The following EPHB1 variants were observed in gnomAD, a reference collection of about 807,000 sequenced individuals.
The protein encoded by EPHB1 is EPH receptor B1.
Under a neutral mutation model 94.4 loss-of-function variants are expected in EPHB1, and 30 were observed. The observed-to-expected ratio is 0.32, with a 90% CI of 0.24 to 0.43. EPHB1 has a LOEUF of 0.43. Among genes scored for constraint, EPHB1 ranks in the 20% least tolerant of loss-of-function variants. EPHB1 has a pLI of 1.00. For missense variants in EPHB1, 1,055 were observed against 1,308.3 expected (o/e 0.81, Z 2.99); for synonymous variants, 522 against 489.1 (o/e 1.07, Z -0.89).
chr3:135,122,337 A>C (rs1940002946), intron 4 of EPHB1, among the ~76,000 whole-genome samples: 1 of 152,144 alleles, frequency 6.6e-6, no homozygotes, highest in Non-Finnish European at 1.5e-5. Context: ...TCACTGTAGA[A>C]AGCTTTTGAT....
intron 3 of EPHB1, among the ~76,000 whole-genome samples, chr3:135,042,510 G>C (rs1164680572): frequency 6.6e-6 from 1 of 152,318 alleles, no homozygotes; most frequent in African/African-American, 2.4e-5. Flanking sequence ...TGTTTTGTGT[G>C]AAATTCCAGC....
intron 1 of EPHB1, among the ~76,000 whole-genome samples, chr3:134,850,542 G>A (rs373777215): frequency 2.0e-5 from 3 of 152,224 alleles, no homozygotes; most frequent in Admixed American, 6.5e-5. Context: ...CTCACTGACT[G>A]TTCACCGTCG....
At chr3:135,009,044 G>A (rs1935526100) in intron 3 of EPHB1, among the ~76,000 whole-genome samples, 1 of 152,230 alleles carries the variant, frequency 6.6e-6, no homozygotes, top group African/African-American at 2.4e-5. Context: ...GCCATGGGTT[G>A]CCTGGAAGGA....
chr3:134,946,706 A>G (rs2039223242), intron 2 of EPHB1, among the ~76,000 whole-genome samples: 1 of 151,930 alleles, frequency 6.6e-6, no homozygotes, highest in Admixed American at 6.6e-5. Context: ...AGTGAGTCTC[A>G]CTCTATTAGT....
intron 1 of EPHB1, among the ~76,000 whole-genome samples, chr3:134,896,236 G>A (rs1468527711): frequency 6.6e-6 from 1 of 151,626 alleles, no homozygotes; most frequent in African/African-American, 2.4e-5. Flanking sequence ...CCTCCCTGCA[G>A]AAGTCATCTC....
chr3:135,003,924 T>C (rs2107744633), intron 3 of EPHB1, among the ~76,000 whole-genome samples: 1 of 152,236 alleles, frequency 6.6e-6, no homozygotes, highest in African/African-American at 2.4e-5. Context: ...TTTGCCAGTC[T>C]GTGTCTTTTA....
chr3:135,052,931 G>GTGTGTGTGTGTGTA (rs1457685081), intron 3 of EPHB1, among the ~76,000 whole-genome samples: 21 of 93,820 alleles, frequency 2.2e-4, no homozygotes, highest in African/African-American at 1.2e-3. Flanking sequence ...GTGTGTGTGT[G>GTGTGTGTGTGTGTA]TATATATGTG....
intron 3 of EPHB1, among the ~76,000 whole-genome samples, chr3:135,086,739 A>C (rs6439553): frequency 0.55 from 83,375 of 151,462 alleles, 24,725 homozygotes; most frequent in Non-Finnish European, 0.67. Flanking sequence ...TCACACTCAC[A>C]TGCTGTTTTA....
chr3:135,017,240 G>A (rs1935829270), intron 3 of EPHB1, among the ~76,000 whole-genome samples: 1 of 152,064 alleles, frequency 6.6e-6, no homozygotes, highest in Non-Finnish European at 1.5e-5. Flanking sequence ...CACCTTCCCT[G>A]CTCATCTGTC....
chr3:134,977,972 G>A, intron 3 of EPHB1: 2 of 456,294 alleles, frequency 4.4e-6, no homozygotes, highest in South Asian at 3.1e-5. Flanking sequence ...ACAGTGTCCA[G>A]GCCTTTTTGG....
Position 135,132,967 on chromosome 3 carries a change from C to T in EPHB1, c.1215C>T (p.Asp405=), listed in dbSNP as rs773318997. ...GGGCCCACACCCCCTACACCTTTGA[C>T]ATCCAGGCCATCAATGGAGTCTCCA... ...SLWAHTPYTF[D]IQAINGVSSK... is the part of the protein sequence containing the mutation. Residue 405 remains aspartate (D), a synonymous_variant, in exon 5 of 16, where the codon GAC becomes GAT. Coordinates refer to ENST00000398015, the MANE Select transcript of EPHB1 (RefSeq NM_004441.5). The T allele has an allele frequency of 1.9e-6, 3 of 1,613,886 alleles. No individual in the cohort carries two copies. The highest frequency in any genetic ancestry group is 2.5e-6 in the Non-Finnish European group (3 of 1,179,744).
intron 12 of EPHB1, among the ~76,000 whole-genome samples, chr3:135,231,811 G>A (rs111231402): frequency 4.1e-4 from 63 of 152,078 alleles, no homozygotes; most frequent in African/African-American, 1.4e-3. Context: ...CATGACAAAC[G>A]AGACCATCCT....
At chr3:135,174,857 A>G (rs150467216) in intron 9 of EPHB1, among the ~76,000 whole-genome samples, 6 of 152,340 alleles carry the variant, frequency 3.9e-5, no homozygotes, top group Admixed American at 2.6e-4. Context: ...GGTCTGTTCA[A>G]ACCTGCTGGG....
chr3:134,804,850 C>T (rs1228143995), intron 1 of EPHB1, among the ~76,000 whole-genome samples: 1 of 152,168 alleles, frequency 6.6e-6, no homozygotes, highest in Non-Finnish European at 1.5e-5. Context: ...AGAAATCCCT[C>T]AGCATCCTAG....
At chr3:134,854,483 G>C (rs1033989418) in intron 1 of EPHB1, among the ~76,000 whole-genome samples, 7 of 152,142 alleles carry the variant, frequency 4.6e-5, no homozygotes, top group Non-Finnish European at 8.8e-5. Flanking sequence ...AGCCCGCACT[G>C]AGGAGCTTTA....
chr3:134,979,999 G>T (rs1314925780), intron 3 of EPHB1, among the ~76,000 whole-genome samples: 1 of 152,220 alleles, frequency 6.6e-6, no homozygotes, highest in African/African-American at 2.4e-5. Context: ...TAACTGGAAA[G>T]ATTGTGTTTT....
At chr3:134,820,695 G>T (rs1665005979) in intron 1 of EPHB1, among the ~76,000 whole-genome samples, 1 of 151,994 alleles carries the variant, frequency 6.6e-6, no homozygotes, top group South Asian at 2.1e-4. Context: ...TACCTACAGT[G>T]CACACTCCCA....
At chr3:134,954,833 G>C (rs572339978) in intron 3 of EPHB1, among the ~76,000 whole-genome samples, 1 of 152,246 alleles carries the variant, frequency 6.6e-6, no homozygotes, top group South Asian at 2.1e-4. Context: ...CAAAGTCGTG[G>C]TGACCAGTCG....
chr3:135,034,663 A>C (rs1345998951), intron 3 of EPHB1, among the ~76,000 whole-genome samples: 2 of 152,258 alleles, frequency 1.3e-5, no homozygotes, highest in African/African-American at 4.8e-5. Flanking sequence ...ACTCTGGACA[A>C]GTCCTGCCAT....
Sources: allele counts gnomAD v4.1 joint callset (sites outside exome capture counted in the v4.1 genomes callset), GRCh38; gene constraint gnomAD v4.1.1; transcripts MANE v1.5; gene names NCBI Gene and HGNC (gene_info 2026-07-23, HGNC 2026-07-21).